CTSE: variants seen among roughly 807,000 people sequenced by gnomAD.
The protein encoded by CTSE is cathepsin E.
CTSE carries 43 observed loss-of-function variants against 42.8 expected under a neutral mutation model. The observed-to-expected ratio is 1.01, with a 90% CI of 0.79 to 1.30. The LOEUF is 1.30. CTSE is among the 50% of genes most tolerant of loss of function. The pLI is 0.00. For missense variants in CTSE, 532 were observed against 493.5 expected (o/e 1.08, Z -0.74); for synonymous variants, 205 against 191.5 (o/e 1.07, Z -0.58).
intron 4 of CTSE, among the ~76,000 whole-genome samples, chr1:206,020,524 T>C (rs1299558481): frequency 6.6e-6 from 1 of 152,180 alleles, no homozygotes; most frequent in Non-Finnish European, 1.5e-5. Flanking sequence ...CTAGGACCCA[T>C]AGGACTTCAG....
chr1:206,012,235 G>A (rs997581137), intron 8 of CTSE, 73 bp downstream of exon 8: 27 of 1,258,252 alleles, frequency 2.1e-5, no homozygotes, highest in South Asian at 7.8e-5. Flanking sequence ...CAAAGTGCAG[G>A]CGATTGAAAA....
intron 1 of CTSE, among the ~76,000 whole-genome samples, chr1:206,023,359 C>T (rs1056543175): frequency 4.0e-5 from 6 of 151,744 alleles, no homozygotes; most frequent in African/African-American, 1.2e-4. Flanking sequence ...ATGAACATCA[C>T]GAAGGGCTGA....
chr1:206,010,353 G>T lies in CTSE; in HGVS notation c.1027-6C>A, dbSNP rs782305486. 2.5e-6 allele frequency: 4 copies of T among 1,611,752 alleles called. No homozygotes were observed. The highest frequency in any genetic ancestry group is 3.4e-6 in the Non-Finnish European group (4 of 1,178,194). On this transcript the variant is annotated splice_polypyrimidine_tract_variant and splice_region_variant and intron_variant, in intron 8 of 8. Transcript: ENST00000358184. The stretch of plus-strand genomic sequence containing the variant: ...TGCATTCCATCCACGAAGTCCTGTG[G>T]GTTGGAAAGAAGGATGCAAATGACA...
chr1:206,012,735 G>A (rs1348605679), intron 6 of CTSE, 86 bp from the exon 7 acceptor site: 1 of 1,447,324 alleles, frequency 6.9e-7, no homozygotes, highest in African/African-American at 1.4e-5. Flanking sequence ...TCAAATGCCT[G>A]GAGCACATCA....
At chr1:206,022,516 AT>A in intron 2 of CTSE, among the ~76,000 whole-genome samples, 1 of 152,258 alleles carries the variant, frequency 6.6e-6, no homozygotes, top group African/African-American at 2.4e-5. Flanking sequence ...CCTGATTCTT[AT>A]AAATACATTG....
rs1661402872 is a variant in CTSE, at chr1:206,021,063, C to T, written c.448G>A (p.Ala150Thr). Reference protein sequence around the residue: ...GTGSLSGIIGADQVSVEGLTV... With the variant: ...GTGSLSGIIGTDQVSVEGLTV... The stretch of plus-strand genomic sequence containing the variant: ...CTTGCACTCACAGAGACTTGGTCGG[C>T]TCCAATGATCCCGGACAAGCTCCCG... Residue 150 changes from alanine to threonine, a missense_variant, in exon 4 of 9, where the codon GCC (alanine) becomes ACC (threonine). Physicochemically the swap from Ala to Thr is moderately conservative, Grantham distance 58. Transcript: ENST00000358184. 1 of 1,610,634 alleles carries T rather than the reference C, an allele frequency of 6.2e-7. No homozygotes were observed. Among genetic ancestry groups the T allele is most frequent in the Non-Finnish European group, 8.5e-7 (1 of 1,176,836 alleles).
rs781857257 is a variant in CTSE, at chr1:206,023,011, G to C, written c.115C>G (p.Arg39Gly). Reference sequence around the variant, plus strand: ...TTCCAGAACTCAGAGAGCTGGCTCCGTGCCCGCAGCTTCTTCTTGAGGGAC... The same window carrying C: ...TTCCAGAACTCAGAGAGCTGGCTCCCTGCCCGCAGCTTCTTCTTGAGGGAC... ...HPSLKKKLRA[R>G]SQLSEFWKSH... The change falls in exon 2 of 9, where the codon CGG becomes GGG. Residue 39 changes from arginine to glycine, a missense_variant. Arg to Gly is a moderately radical substitution (Grantham distance 125). Transcript: ENST00000358184. The C allele has an allele frequency of 1.2e-6, 2 of 1,613,180 alleles. No homozygotes were observed. The highest frequency in any genetic ancestry group is 1.7e-6 in the Non-Finnish European group (2 of 1,179,444).
At chr1:206,019,025 C>T (rs1246842793) in intron 4 of CTSE, among the ~76,000 whole-genome samples, 3 of 151,984 alleles carry the variant, frequency 2.0e-5, no homozygotes, top group Non-Finnish European at 4.4e-5. Flanking sequence ...CTATTAACAA[C>T]GCATGCATTT....
intron 4 of CTSE, 116 bp from the exon 5 acceptor site, chr1:206,016,246 C>T (rs1308670863): frequency 1.1e-6 from 1 of 936,672 alleles, no homozygotes; most frequent in African/African-American, 1.6e-5. Flanking sequence ...TCCCAACTTT[C>T]CTTGACTAAA....
chr1:206,022,869 C>G (rs782205465), intron 2 of CTSE, 32 bp downstream of exon 2: 2 of 1,526,410 alleles, frequency 1.3e-6, no homozygotes, highest in Non-Finnish European at 1.8e-6. Flanking sequence ...CCGCTCCCAC[C>G]TCTCCCCAGC....
intron 6 of CTSE, among the ~76,000 whole-genome samples, chr1:206,012,861 T>A (rs1558150620): frequency 6.6e-6 from 1 of 152,100 alleles, no homozygotes; most frequent in Non-Finnish European, 1.5e-5. Context: ...GCAATTGAAG[T>A]GCACTCTGGT....
At position 206,023,715 on chromosome 1, in the gene CTSE, T is replaced by C; in HGVS notation, c.68+9A>G. 1.2e-6 allele frequency: 2 copies of C among 1,612,942 alleles called. No homozygotes were observed. Among genetic ancestry groups the C allele is most frequent in the South Asian group, 1.1e-5 (1 of 91,052 alleles). ...CCCAGCTGAACACAGTGCGGGGACG[T>C]CTTCTCACCTGTGAAGGGATCCTTG... On this transcript the variant is annotated intron_variant, in intron 1 of 8. Transcript: ENST00000358184.
At position 206,012,514 on chromosome 1, in the gene CTSE, A is replaced by T. The variant is rs1661134975; in HGVS notation, c.921T>A (p.Asp307Glu). 1.9e-6 allele frequency: 3 copies of T among 1,613,826 alleles called. No homozygotes were observed. Among genetic ancestry groups the T allele is most frequent in the African/African-American group, 1.3e-5 (1 of 74,914 alleles). Residue 307 changes from aspartate (D) to glutamate (E), a missense_variant, in exon 7 of 9, where the codon GAT becomes GAA. Asp to Glu is a conservative substitution (Grantham distance 45, BLOSUM62 2). Coordinates refer to ENST00000358184, the MANE Select transcript of CTSE (RefSeq NM_001910.4). ...LQNAIGAAPV[D>E]GEYAVECANL... ...TGCGCAGGCAGGCACTCACTTCTCC[A>T]TCCACGGGGGCTGCCCCAATGGCGT...
chr1:206,020,939 T>A, intron 4 of CTSE, 110 bp downstream of exon 4: 1 of 787,676 alleles, frequency 1.3e-6, no homozygotes, highest in Non-Finnish European at 2.2e-6. Context: ...TAGAAGTTAG[T>A]GCTAACCCCT....
At position 206,022,893 on chromosome 1, in the gene CTSE, G is replaced by A. The variant is rs1661483474; in HGVS notation, c.225+8C>T. ...CCTCTCCCCAGCCCTGACCCCAGGAGGCCTCACATCCAAGTAGTTGATGAG... is the reference window on the plus strand; with the variant it reads ...CCTCTCCCCAGCCCTGACCCCAGGAAGCCTCACATCCAAGTAGTTGATGAG... On this transcript the variant is annotated splice_region_variant and intron_variant, in intron 2 of 8. Transcript: ENST00000358184. 1 of 1,561,070 alleles carries A rather than the reference G, an allele frequency of 6.4e-7. No homozygotes were observed. Among genetic ancestry groups the A allele is most frequent in the Admixed American group, 1.8e-5 (1 of 56,738 alleles).
At chr1:206,023,131 T>A in intron 1 of CTSE, 74 bp from the exon 2 acceptor site, 1 of 762,966 alleles carries the variant, frequency 1.3e-6, no homozygotes, top group Non-Finnish European at 2.0e-6. Flanking sequence ...TCCCATTTTC[T>A]CAGGGGCCAA....
At position 206,010,174 on chromosome 1, in the gene CTSE, G is replaced by A. The variant is rs781844102; in HGVS notation, c.*9C>T. The A allele has an allele frequency of 5.6e-6, 9 of 1,613,496 alleles. No homozygotes were observed. In the South Asian group the frequency reaches 9.9e-5, roughly 18 times the overall value. ...GTCAGACAGGCAGGCACAGACACAAGGCCCCTCCTTAGGGGACTGCTGGGG... is the reference window on the plus strand; with the variant it reads ...GTCAGACAGGCAGGCACAGACACAAAGCCCCTCCTTAGGGGACTGCTGGGG... On this transcript the variant is annotated 3_prime_UTR_variant, in exon 9 of 9. Transcript: ENST00000358184.
Position 206,022,938 on chromosome 1 carries a change from T to A in CTSE, c.188A>T (p.Asp63Val). The stretch of plus-strand genomic sequence containing the variant: ...GATGAGGGGTTCCTTGGCACTCTGG[T>A]CCATTGAGCAGGACTCGGTGAACTG... ...MIQFTESCSMDQSAKEPLINY... is the reference protein window; with the variant it reads ...MIQFTESCSMVQSAKEPLINY... Residue 63 changes from aspartate (D) to valine (V), a missense_variant, in exon 2 of 9, where the codon GAC becomes GTC. Asp to Val is a radical substitution (Grantham distance 152). Transcript: ENST00000358184. 6.2e-7 allele frequency: 1 copy of A among 1,600,484 alleles called. No individual in the cohort carries two copies. The highest frequency in any genetic ancestry group is 8.5e-7 in the Non-Finnish European group (1 of 1,171,670).
intron 4 of CTSE, among the ~76,000 whole-genome samples, chr1:206,018,153 G>T (rs560927801): frequency 6.6e-6 from 1 of 152,050 alleles, no homozygotes; most frequent in East Asian, 1.9e-4. Context: ...CTCCTAGTTT[G>T]CTAAGAGTTT....
Sources: gnomAD v4.1 joint callset for allele counts (sites outside exome capture counted in the v4.1 genomes callset) on GRCh38, gnomAD v4.1.1 for gene constraint, MANE v1.5 for transcripts, NCBI Gene and HGNC (gene_info 2026-07-23, HGNC 2026-07-21) for gene names.